ZNF519: variants seen among roughly 807,000 people sequenced by gnomAD.
ZNF519 encodes the protein similar to Zinc finger protein 85 (Zinc finger protein HPF4) (HTF1).
ZNF519 carries 7 observed loss-of-function variants against 7.4 expected under a neutral mutation model. The observed-to-expected ratio is 0.94, with a 90% confidence interval of 0.54 to 1.77. The LOEUF is 1.77. Ranked by LOEUF, ZNF519 falls within the 40% of genes most tolerant of loss-of-function variation. The probability of loss-of-function intolerance (pLI) is 0.00; values close to 1 mark genes in which losing one functional copy is unlikely to be tolerated. For missense variants in ZNF519, 586 were observed against 623.1 expected (o/e 0.94, Z 0.63); for synonymous variants, 179 against 203.3 (o/e 0.88, Z 1.02).
chr18:14,079,745 A>G (rs987685649), intron 3 of ZNF519, among the ~76,000 whole-genome samples: 1 of 152,218 alleles, frequency 6.6e-6, no homozygotes, highest in Admixed American at 6.5e-5. Context: ...ATCTTCACCA[A>G]AATGAACACA....
chr18:14,111,515 G>GAAAAAAAAAA (rs371322134), intron 2 of ZNF519, among the ~76,000 whole-genome samples: 2 of 72,622 alleles, frequency 2.8e-5, no homozygotes, highest in African/African-American at 5.1e-5. Flanking sequence ...TCAAAAAAAA[G>GAAAAAAAAAA]AAAAAAAAAA....
chr18:14,088,181 G>A (rs1217327372), intron 2 of ZNF519, among the ~76,000 whole-genome samples: 4 of 152,208 alleles, frequency 2.6e-5, no homozygotes, highest in Non-Finnish European at 5.9e-5. Context: ...AGCTTAGGAT[G>A]CTTGTTTGCC....
chr18:14,106,499 G>C (rs1228643557), intron 2 of ZNF519, 90 bp from the exon 3 acceptor site: 28 of 1,148,418 alleles, frequency 2.4e-5, no homozygotes, highest in Admixed American at 5.8e-5. Context: ...GCCAAGCTGA[G>C]AACATCAGCA....
chr18:14,086,731 A>G (rs2046092019), intron 2 of ZNF519, among the ~76,000 whole-genome samples: 1 of 152,212 alleles, frequency 6.6e-6, no homozygotes. Context: ...TCCAGGCCAG[A>G]ACGACAAAGC....
At chr18:14,072,551 G>A (rs2046031930), downstream of ZNF519, 1 of 152,034 alleles carries the variant, frequency 6.6e-6, no homozygotes, top group Non-Finnish European at 1.5e-5. Context: ...GTGCTTTTGG[G>A]ATTCAATGGG....
chr18:14,117,822 T>TA (rs1454926320), intron 2 of ZNF519, among the ~76,000 whole-genome samples: 1 of 152,010 alleles, frequency 6.6e-6, no homozygotes, highest in East Asian at 1.9e-4. Context: ...CAGGAGAACT[T>TA]ACTACAGCAC....
In ZNF519 at chr18:14,129,689, C is replaced by T. The variant is rs568293778; in HGVS notation, c.3+2586G>A. Among the ~76,000 whole-genome samples, 12 of 152,270 alleles carry T rather than the reference C, an allele frequency of 7.9e-5. No individual in the cohort carries two copies. The South Asian group carries it at 1.0e-3, about 13-fold the overall frequency. On this transcript the variant is annotated intron_variant, in intron 1 of 2. Coordinates refer to ENST00000590202, the MANE Select transcript of ZNF519 (RefSeq NM_145287.4). ...CTGTCCAACACCTCAATTCCAACAC[C>T]GCCCAGAGTCAGCATAGATCCCACA...
intron 2 of ZNF519, chr18:14,121,895 A>T (rs2046271252): frequency 6.6e-6 from 1 of 152,226 alleles, no homozygotes; most frequent in Admixed American, 6.5e-5. Flanking sequence ...GCAATGTTCT[A>T]AGCTCATTAA....
chr18:14,081,090 G>A (rs1567937818), intron 3 of ZNF519, among the ~76,000 whole-genome samples: 1 of 152,126 alleles, frequency 6.6e-6, no homozygotes, highest in African/African-American at 2.4e-5. Context: ...GTAGATACAT[G>A]TCATTATATA....
At chr18:14,112,343 C>T (rs2869797) in intron 2 of ZNF519, among the ~76,000 whole-genome samples, 2,016 of 152,152 alleles carry the variant, frequency 0.013, 42 homozygotes, top group African/African-American at 0.045. Flanking sequence ...ATATATGACA[C>T]TCACATTATA....
Position 14,104,843 on chromosome 18 carries a change from T to C in ZNF519, c.*74A>G, listed in dbSNP as rs573600995. On this transcript the variant is annotated 3_prime_UTR_variant, in exon 3 of 3. Transcript: ENST00000590202. ...ACACATATGGGATTTCTATCCAGTATTGATTTTCTAATGTTGAGTAAGGTG... is the reference window on the plus strand; with the variant it reads ...ACACATATGGGATTTCTATCCAGTACTGATTTTCTAATGTTGAGTAAGGTG... 26 of 1,400,804 alleles carry C rather than the reference T, an allele frequency of 1.9e-5. No individual in the cohort carries two copies. Among genetic ancestry groups the C allele is most frequent in the Middle Eastern group, 1.9e-4 (1 of 5,378 alleles). The allele number at this position is 1,400,804 out of a possible 1,614,324, so 86.8% of individuals were successfully genotyped here. A position where few individuals can be genotyped will look rare whatever the true frequency, so the allele number is the denominator to read the frequency against.
chr18:14,105,576 A>T lies in ZNF519; in HGVS notation c.964T>A (p.Cys322Ser). The T allele has an allele frequency of 1.1e-5, 17 of 1,614,150 alleles. No homozygotes were observed. Among genetic ancestry groups the T allele is most frequent in the Non-Finnish European group, 1.4e-5 (16 of 1,180,024 alleles). ...TTAAAAGCTTTGCCACATTCCTTAC[A>T]CTTGAAAGGCTTCTCTCCAGTATGG... ...RIHTGEKPFK[C>S]KECGKAFNRG... The change falls in exon 3 of 3, where the codon TGT becomes AGT. Residue 322 changes from cysteine to serine, a missense_variant. Transcript: ENST00000590202.
chr18:14,109,133 A>AT (rs747333729), intron 2 of ZNF519, among the ~76,000 whole-genome samples: 3,052 of 149,934 alleles, frequency 0.02, 106 homozygotes, highest in African/African-American at 0.067. Context: ...AAAAAAAAAA[A>AT]AATAATAATG....
At chr18:14,083,171 A>G (rs1452360488) in intron 3 of ZNF519, among the ~76,000 whole-genome samples, 1 of 152,034 alleles carries the variant, frequency 6.6e-6, no homozygotes, top group East Asian at 1.9e-4. Flanking sequence ...CCAACAAGGC[A>G]AAACGCCATC....
intron 2 of ZNF519, among the ~76,000 whole-genome samples, chr18:14,115,029 T>C (rs565967158): frequency 2.6e-5 from 4 of 152,358 alleles, no homozygotes; most frequent in Middle Eastern, 3.4e-3. Context: ...CATTTCTTCA[T>C]AGATATATGC....
chr18:14,088,595 A>T (rs938878688), intron 2 of ZNF519, among the ~76,000 whole-genome samples: 3 of 152,238 alleles, frequency 2.0e-5, no homozygotes, highest in Non-Finnish European at 4.4e-5. Flanking sequence ...GAGTTCTGGC[A>T]TATCCATCCC....
chr18:14,101,397 A>C lies in ZNF519; in HGVS notation c.*3520T>G. On this transcript the variant is annotated 3_prime_UTR_variant, in exon 3 of 3. Transcript: ENST00000590202. ...AGCCCTAGCAAATGCAAAAACACTC[A>C]TGGTCATAACATGAAGTGAAAGTAA... 1 of 297,020 alleles carries C rather than the reference A, an allele frequency of 3.4e-6. No individual in the cohort carries two copies. Among genetic ancestry groups the C allele is most frequent in the Non-Finnish European group, 6.2e-6 (1 of 162,488 alleles). 18.4% of individuals were successfully genotyped at this position (297,020 alleles called of 1,614,324 possible).
At chr18:14,081,315 A>G (rs1386274652) in intron 3 of ZNF519, among the ~76,000 whole-genome samples, 1 of 152,062 alleles carries the variant, frequency 6.6e-6, no homozygotes, top group East Asian at 1.9e-4. Context: ...AAAATGGGGA[A>G]ATAAAGTATT....
intron 2 of ZNF519, among the ~76,000 whole-genome samples, chr18:14,121,051 G>C (rs900131986): frequency 1.3e-5 from 2 of 152,072 alleles, no homozygotes; most frequent in Middle Eastern, 3.4e-3. Context: ...TACACCTGGA[G>C]GACATTATGC....
Sources: gnomAD v4.1 joint callset for allele counts (sites outside exome capture counted in the v4.1 genomes callset) on GRCh38, gnomAD v4.1.1 for gene constraint, MANE v1.5 for transcripts, NCBI Gene and HGNC (gene_info 2026-07-23, HGNC 2026-07-21) for gene names.